Variants in SLC6A12 observed in about 807,000 individuals in gnomAD.
SLC6A12 encodes the protein sodium- and chloride-dependent betaine transporter.
Under a neutral mutation model 73.3 loss-of-function variants are expected in SLC6A12, and 50 were observed. The ratio of observed to expected loss-of-function variants is 0.68; its 90% CI spans 0.54 to 0.86. The LOEUF is 0.86. Among genes scored for constraint, SLC6A12 ranks in the 40% least tolerant of loss-of-function variants. SLC6A12 has a pLI of 0.00. For missense variants in SLC6A12, 648 were observed against 772.8 expected (o/e 0.84, Z 1.92); for synonymous variants, 304 against 309.2 (o/e 0.98, Z 0.18).
chr12:193,287 C>T lies in SLC6A12; in HGVS notation c.1520G>A (p.Gly507Glu). The change falls in exon 14 of 16, where the codon GGA becomes GAA. Residue 507 changes from glycine (G) to glutamate (E), a missense_variant. Physicochemically the swap from Gly to Glu is moderately conservative, Grantham distance 98. Coordinates refer to ENST00000684302, the MANE Select transcript of SLC6A12 (RefSeq NM_001122848.3). Reference protein sequence around the residue: ...VKISWLFLTPGLCLATFLFSL... With the variant: ...VKISWLFLTPELCLATFLFSL... The stretch of plus-strand genomic sequence containing the variant: ...CTGGTGGGCACATACCAGGCAAAGT[C>T]CAGGGGTCAGGAAGAGCCAGGAGAT... The T allele has an allele frequency of 6.2e-7, 1 of 1,612,658 alleles. No homozygotes were observed. Among genetic ancestry groups the T allele is most frequent in the East Asian group, 2.2e-5 (1 of 44,842 alleles).
rs754852508 is a variant in SLC6A12 at position 198,009 on chromosome 12, CA to C, written c.847-7del. 1 of 1,613,038 alleles carries C rather than the reference CA, an allele frequency of 6.2e-7. No homozygotes were observed. Reference sequence around the variant, plus strand: ...GTGCCCGCATCCATCCACACCTACACAAAACCCCAAGAAAGAGGTAGAGGCA... The same window carrying C: ...GTGCCCGCATCCATCCACACCTACACAAACCCCAAGAAAGAGGTAGAGGCA... On this transcript the variant is annotated splice_region_variant and splice_polypyrimidine_tract_variant and intron_variant, in intron 8 of 15. Coordinates refer to ENST00000684302, the MANE Select transcript of SLC6A12 (RefSeq NM_001122848.3). This position sits in a 1 kb window ranked among gnomAD's most constrained non-coding sequence, Gnocchi z 4.0.
In SLC6A12 at chr12:191,954, A is replaced by C. The variant is rs369094666; in HGVS notation, c.1701+524T>G. On this transcript the variant is annotated intron_variant, in intron 15 of 15. Coordinates refer to ENST00000684302, the MANE Select transcript of SLC6A12 (RefSeq NM_001122848.3). ...GGAGGTTGGGTTTTCTATTATTTAT[A>C]GGCAAGATAGATTTCTACCTTTGTG... Among the ~76,000 whole-genome samples, 7 of 152,348 alleles carry C rather than the reference A, an allele frequency of 4.6e-5. No homozygotes were observed. The East Asian group carries it at 9.6e-4, about 21-fold the overall frequency.
chr12:207,007 C>T (rs1004480857), intron 3 of SLC6A12, among the ~76,000 whole-genome samples: 7 of 152,244 alleles, frequency 4.6e-5, no homozygotes, highest in South Asian at 4.1e-4. Context: ...AGCTGGGCCT[C>T]GCTCAGACCG....
rs138858909 is a variant in SLC6A12 at position 192,520 on chromosome 12, G to A, written c.1659C>T (p.Phe553=). 6.4e-5 allele frequency: 104 copies of A among 1,614,070 alleles called. No homozygotes were observed. In the African/African-American group the frequency reaches 9.1e-4, roughly 14 times the overall value. The change falls in exon 15 of 16, where the codon TTC becomes TTT. Residue 553 remains phenylalanine, a synonymous_variant. Coordinates refer to ENST00000684302, the MANE Select transcript of SLC6A12 (RefSeq NM_001122848.3). ...ALSSMVCVPL[F]VVITLLKTRG... The stretch of plus-strand genomic sequence containing the variant: ...GAGTCTTCAGGAGGGTGATGACGAC[G>A]AAGAGTGGGACACAGACCATGGAGG...
rs370319244 is a variant in SLC6A12, at chr12:202,699, C to A, written c.490+41G>T. On this transcript the variant is annotated intron_variant, in intron 5 of 15. Coordinates refer to ENST00000684302, the MANE Select transcript of SLC6A12 (RefSeq NM_001122848.3). ...GGATTCACCAGCCACCGCAGCCCAG[C>A]CCCTAACAGGCAACATCCCAGGGGC... is the stretch of plus-strand genomic sequence containing the variant. The A allele has an allele frequency of 1.8e-5, 28 of 1,598,450 alleles. No homozygotes were observed. In the African/African-American group the frequency reaches 3.5e-4, roughly 20 times the overall value.
chr12:200,045 C>T (rs182120096), intron 7 of SLC6A12, among the ~76,000 whole-genome samples: 1 of 151,888 alleles, frequency 6.6e-6, no homozygotes, highest in Non-Finnish European at 1.5e-5. Context: ...CAGTGCCAAC[C>T]TGCCAGCAGG....
chr12:204,211 C>T (rs531249210), intron 4 of SLC6A12: 7 of 265,700 alleles, frequency 2.6e-5, no homozygotes, highest in African/African-American at 4.4e-5. Flanking sequence ...GCACAGCACC[C>T]CGGGAGCACC....
intron 13 of SLC6A12, among the ~76,000 whole-genome samples, 194 bp from the exon 14 acceptor site, chr12:193,571 CA>C (rs561457444): frequency 1.1e-3 from 168 of 152,338 alleles, no homozygotes; most frequent in African/African-American, 3.9e-3. Context: ...AGTCACGAGG[CA>C]GGGGCTGCCC....
chr12:202,393 C>A (rs1415355568), intron 5 of SLC6A12, among the ~76,000 whole-genome samples: 3 of 152,218 alleles, frequency 2.0e-5, no homozygotes, highest in Non-Finnish European at 4.4e-5. Flanking sequence ...AGGCTGGGTC[C>A]CTGCTGCTTT....
intron 7 of SLC6A12, among the ~76,000 whole-genome samples, chr12:200,258 A>G (rs10773978): frequency 0.5 from 74,339 of 147,490 alleles, 19,456 homozygotes; most frequent in East Asian, 0.61. Context: ...ACAGGTGCCC[A>G]CCACCACGCC....
At chr12:204,393 T>C (rs1398664803) in intron 4 of SLC6A12, among the ~76,000 whole-genome samples, 171 bp downstream of exon 4, 1 of 152,198 alleles carries the variant, frequency 6.6e-6, no homozygotes, top group Non-Finnish European at 1.5e-5. Flanking sequence ...GAGCCAGTGT[T>C]TCCCCACCAG....
rs1390851546 is a variant in SLC6A12, at chr12:198,303, A to T, written c.847-300T>A. Among the ~76,000 whole-genome samples the T allele has an allele frequency of 2.0e-5, 3 of 152,254 alleles. No individual in the cohort carries two copies. Among genetic ancestry groups the T allele is most frequent in the Admixed American group, 6.5e-5 (1 of 15,290 alleles). ...ATGGCTGCACCCAAGGCCTATCTGC[A>T]GGGCACAGCCAGAAGTCACTTGTCT... On this transcript the variant is annotated intron_variant, in intron 8 of 15. Coordinates refer to ENST00000684302, the MANE Select transcript of SLC6A12 (RefSeq NM_001122848.3). The surrounding 1 kb of genome is among the most constrained non-coding windows in gnomAD (Gnocchi z 4.0).
chr12:187,163 G>A (rs933222799), downstream of SLC6A12, among the ~76,000 whole-genome samples: 2 of 152,176 alleles, frequency 1.3e-5, no homozygotes, highest in East Asian at 1.9e-4. Flanking sequence ...GTAGCTGCCA[G>A]ATTTGGCCTC....
At chr12:196,714 G>C in intron 11 of SLC6A12, 56 bp downstream of exon 11, 1 of 1,262,362 alleles carries the variant, frequency 7.9e-7, no homozygotes, top group Non-Finnish European at 1.2e-6. Context: ...CCCAGGACAA[G>C]CAAAGGCTTG....
At chr12:202,297 G>A (rs1004617946) in intron 5 of SLC6A12, among the ~76,000 whole-genome samples, 1 of 152,072 alleles carries the variant, frequency 6.6e-6, no homozygotes, top group African/African-American at 2.4e-5. Flanking sequence ...CTTGTTCTAT[G>A]GTTTCTGCAG....
At chr12:204,310 C>G (rs9783527) in intron 4 of SLC6A12, 4 of 484,798 alleles carry the variant, frequency 8.3e-6, no homozygotes, top group Middle Eastern at 5.7e-4. Flanking sequence ...CATGGTTGCC[C>G]CAAGAGGCAT....
intron 5 of SLC6A12, among the ~76,000 whole-genome samples, chr12:202,304 G>T (rs200916928): frequency 6.6e-6 from 1 of 152,198 alleles, no homozygotes; most frequent in African/African-American, 2.4e-5. Flanking sequence ...TATGGTTTCT[G>T]CAGTTTCGTT....
At chr12:209,573 A>G in intron 3 of SLC6A12, 200 bp downstream of exon 3, 1 of 607,796 alleles carries the variant, frequency 1.6e-6, no homozygotes, top group South Asian at 2.0e-5. Context: ...CTTCACCGTC[A>G]CCCTGGGAGG....
In SLC6A12 at chr12:196,024, G is replaced by A. The variant is rs549618732; in HGVS notation, c.1326+100C>T. 6.8e-5 allele frequency: 79 copies of A among 1,162,384 alleles called. 1 individual carries two copies. The highest frequency in any genetic ancestry group is 3.2e-4 in the African/African-American group (21 of 64,660). 72.0% of individuals were successfully genotyped at this position (1,162,384 alleles called of 1,614,324 possible). A position where few individuals can be genotyped will look rare whatever the true frequency, so the allele number is the denominator to read the frequency against. ...GGCAGGGCAGGCGTTCACACCCCTC[G>A]TCAGCAGATAAGAAAAGTGAGGCTC... On this transcript the variant is annotated intron_variant, in intron 12 of 15. Coordinates refer to ENST00000684302, the MANE Select transcript of SLC6A12 (RefSeq NM_001122848.3).
Sources: gnomAD v4.1 joint callset for allele counts (sites outside exome capture counted in the v4.1 genomes callset) on GRCh38, gnomAD v4.1.1 for gene constraint, Gnocchi (gnomAD v3.1) non-coding constraint, MANE v1.5 for transcripts, NCBI Gene and HGNC (gene_info 2026-07-23, HGNC 2026-07-21) for gene names.